The following MACROD2 variants were observed in gnomAD, a reference collection of about 807,000 sequenced individuals.
The protein encoded by MACROD2 is ADP-ribose glycohydrolase MACROD2.
In MACROD2, 36 loss-of-function variants were observed where a neutral mutation model predicts 70.4. The ratio of observed to expected loss-of-function variants is 0.51; its 90% confidence interval spans 0.39 to 0.68. The LOEUF is 0.68. MACROD2 is among the 30% of genes least tolerant of loss of function. MACROD2 has a pLI of 0.00. For missense variants in MACROD2, 496 were observed against 538.4 expected (o/e 0.92, Z 0.78); for synonymous variants, 172 against 178.8 (o/e 0.96, Z 0.30).
At chr20:15,642,635 C>T (rs994533871) in intron 8 of MACROD2, among the ~76,000 whole-genome samples, 1 of 136,460 alleles carries the variant, frequency 7.3e-6, no homozygotes, top group African/African-American at 2.9e-5. Flanking sequence ...CACACACACA[C>T]ACACACGTGT....
chr20:15,982,181 G>T (rs1371483342), intron 13 of MACROD2, among the ~76,000 whole-genome samples: 1 of 152,052 alleles, frequency 6.6e-6, no homozygotes, highest in Non-Finnish European at 1.5e-5. Context: ...TGATCATGGG[G>T]GGTTCAGAGG....
chr20:14,849,401 G>C (rs764718467), intron 5 of MACROD2, among the ~76,000 whole-genome samples: 1 of 152,072 alleles, frequency 6.6e-6, no homozygotes, highest in Non-Finnish European at 1.5e-5. Context: ...TTGATGTTGC[G>C]ACTCTAACTT....
chr20:15,672,585 A>C (rs1279841898), intron 8 of MACROD2, among the ~76,000 whole-genome samples: 1 of 152,162 alleles, frequency 6.6e-6, no homozygotes, highest in Non-Finnish European at 1.5e-5. Context: ...ATGGGTGGGC[A>C]TGTGACTCAG....
intron 3 of MACROD2, among the ~76,000 whole-genome samples, chr20:14,200,458 A>C (rs973133981): frequency 6.6e-6 from 1 of 152,170 alleles, no homozygotes; most frequent in African/African-American, 2.4e-5. Context: ...GGGTGATGAA[A>C]TAATCTGTAC....
chr20:14,247,624 G>A (rs1434516062), intron 3 of MACROD2, among the ~76,000 whole-genome samples: 9 of 152,330 alleles, frequency 5.9e-5, no homozygotes, highest in East Asian at 5.8e-4. Flanking sequence ...GAGTGCCGAC[G>A]TGATGCCACA....
At chr20:15,249,393 A>G (rs2077134313) in intron 6 of MACROD2, among the ~76,000 whole-genome samples, 2 of 152,134 alleles carry the variant, frequency 1.3e-5, no homozygotes, top group Non-Finnish European at 2.9e-5. Context: ...AAGGTTTTTA[A>G]AATTTCTTTG....
chr20:15,487,205 A>T (rs1163701887), intron 7 of MACROD2, among the ~76,000 whole-genome samples: 1 of 152,186 alleles, frequency 6.6e-6, no homozygotes, highest in African/African-American at 2.4e-5. Context: ...GCAAATTCAG[A>T]TGGCAAAGAT....
chr20:14,362,922 A>G (rs1368370566), intron 3 of MACROD2, among the ~76,000 whole-genome samples: 2 of 152,200 alleles, frequency 1.3e-5, no homozygotes, highest in Admixed American at 6.5e-5. Context: ...ATATAAGTAC[A>G]TATAATTTAA....
intron 4 of MACROD2, among the ~76,000 whole-genome samples, chr20:14,582,298 A>G (rs1421353881): frequency 7.2e-5 from 11 of 152,106 alleles, no homozygotes; most frequent in Admixed American, 5.9e-4. Flanking sequence ...TTATCATATT[A>G]TGATAAGGGA....
intron 8 of MACROD2, among the ~76,000 whole-genome samples, chr20:15,533,639 T>A (rs1423313944): frequency 6.6e-6 from 1 of 151,222 alleles, no homozygotes; most frequent in African/African-American, 2.4e-5. Context: ...GGAAAGTAAC[T>A]TAGGGAAGAA....
intron 4 of MACROD2, among the ~76,000 whole-genome samples, chr20:14,608,346 C>T (rs757016121): frequency 6.6e-6 from 1 of 152,116 alleles, no homozygotes; most frequent in Non-Finnish European, 1.5e-5. Context: ...GTAATCTGCA[C>T]TTTTATTTCT....
chr20:15,047,479 A>G (rs2075404205), intron 5 of MACROD2, among the ~76,000 whole-genome samples: 1 of 152,186 alleles, frequency 6.6e-6, no homozygotes, highest in Non-Finnish European at 1.5e-5. Flanking sequence ...TGATACACCC[A>G]TATTTTTAAC....
intron 10 of MACROD2, among the ~76,000 whole-genome samples, chr20:15,889,398 C>T (rs1267337655): frequency 1.3e-5 from 2 of 152,156 alleles, no homozygotes; most frequent in Non-Finnish European, 2.9e-5. Flanking sequence ...ATTATTGAGG[C>T]TTAAAAGGGA....
intron 4 of MACROD2, among the ~76,000 whole-genome samples, chr20:14,632,791 G>A (rs1381661526): frequency 1.3e-5 from 2 of 152,200 alleles, no homozygotes; most frequent in Admixed American, 6.5e-5. Flanking sequence ...GATCTCTTAT[G>A]ATAATATTTT....
In MACROD2 at chr20:16,051,261, C is replaced by A. The variant is rs1015336493; in HGVS notation, c.*1385C>A. The A allele has an allele frequency of 2.0e-5, 3 of 152,136 alleles. No individual in the cohort carries two copies. The highest frequency in any genetic ancestry group is 4.4e-5 in the Non-Finnish European group (3 of 68,018). The allele number at this position is 152,136 out of a possible 1,614,324, so 9.4% of individuals were successfully genotyped here. On this transcript the variant is annotated 3_prime_UTR_variant, in exon 18 of 18. Transcript: ENST00000684519. ...ACTTACTTATATTGTTTTTCCTTAA[C>A]AGAGGGAGAAAAATAGTGGATTATT...
Position 14,326,834 on chromosome 20 carries a change from C to T in MACROD2, c.272-166645C>T. ...ACCAGGGACAGCTCTGTCAAATTAA[C>T]TAGGTTGAAGAAAACTTTGTCACCT... On this transcript the variant is annotated intron_variant, in intron 3 of 17. Transcript: ENST00000684519. The surrounding 1 kb of genome is among the most constrained non-coding windows in gnomAD (Gnocchi z 5.5). 6.2e-7 allele frequency: 1 copy of T among 1,613,692 alleles called. No individual in the cohort carries two copies. The highest frequency in any genetic ancestry group is 8.5e-7 in the Non-Finnish European group (1 of 1,179,780).
chr20:15,570,235 G>A (rs2048359755), intron 8 of MACROD2, among the ~76,000 whole-genome samples: 1 of 152,126 alleles, frequency 6.6e-6, no homozygotes, highest in Admixed American at 6.6e-5. Context: ...AGCCATTCAA[G>A]CAAATGTGAG....
chr20:14,762,843 C>G (rs1171140886), intron 5 of MACROD2, among the ~76,000 whole-genome samples: 2 of 151,966 alleles, frequency 1.3e-5, no homozygotes, highest in African/African-American at 4.8e-5. Context: ...GGCACAAAAA[C>G]TGCTTGAACC....
At chr20:14,054,952 C>T (rs1339611221) in intron 2 of MACROD2, among the ~76,000 whole-genome samples, 9 of 152,062 alleles carry the variant, frequency 5.9e-5, no homozygotes, top group African/African-American at 2.2e-4. Flanking sequence ...GACTGCCTTT[C>T]TGAAAATAGT....
Sources: gnomAD v4.1 joint callset for allele counts (sites outside exome capture counted in the v4.1 genomes callset) on GRCh38, gnomAD v4.1.1 for gene constraint, Gnocchi (gnomAD v3.1) non-coding constraint, MANE v1.5 for transcripts, NCBI Gene and HGNC (gene_info 2026-07-23, HGNC 2026-07-21) for gene names.